SHC3: variants seen among roughly 807,000 people sequenced by gnomAD.
SHC3 encodes SHC adaptor protein 3.
In SHC3, 15 loss-of-function variants were observed where a neutral mutation model predicts 60.4. The ratio of observed to expected loss-of-function variants is 0.25; its 90% CI spans 0.17 to 0.38. SHC3 has a LOEUF of 0.38. Among genes scored for constraint, SHC3 ranks in the 10% least tolerant of loss-of-function variants. The pLI, the probability that SHC3 is intolerant of heterozygous loss-of-function variation, is 1.00. For missense variants in SHC3, 677 were observed against 786.1 expected, an observed-to-expected ratio of 0.86 and a Z score of 1.66; for synonymous variants, 294 against 325.9, an observed-to-expected ratio of 0.90 and a Z score of 1.05.
intron 1 of SHC3, among the ~76,000 whole-genome samples, chr9:89,133,212 TA>T (rs904075815): frequency 1.3e-5 from 2 of 152,184 alleles, no homozygotes; most frequent in Non-Finnish European, 2.9e-5. Flanking sequence ...CGCAATGAGA[TA>T]ACATCTCACA....
chr9:89,075,557 G>A (rs17054717), intron 3 of SHC3, among the ~76,000 whole-genome samples: 4,478 of 152,216 alleles, frequency 0.029, 233 homozygotes, highest in African/African-American at 0.1. Flanking sequence ...TGTAAACCTG[G>A]GGAAAGCCCA....
At chr9:89,042,390 G>A (rs993800526) in intron 9 of SHC3, among the ~76,000 whole-genome samples, 2 of 152,166 alleles carry the variant, frequency 1.3e-5, no homozygotes, top group Admixed American at 6.5e-5. Flanking sequence ...TCAGCATGGG[G>A]TCTGCCAGCC....
chr9:89,156,191 C>T (rs1332509739), intron 1 of SHC3, among the ~76,000 whole-genome samples: 2 of 152,092 alleles, frequency 1.3e-5, no homozygotes, highest in African/African-American at 4.8e-5. Context: ...GTCATATGGA[C>T]ACTCAAGAAT....
At chr9:89,094,931 C>A (rs1248010680) in intron 2 of SHC3, among the ~76,000 whole-genome samples, 3 of 151,536 alleles carry the variant, frequency 2.0e-5, no homozygotes, top group African/African-American at 7.3e-5. Flanking sequence ...TCACTAACAA[C>A]AACAACAAAA....
chr9:89,098,854 C>T (rs1389207882), intron 2 of SHC3, among the ~76,000 whole-genome samples: 3 of 151,944 alleles, frequency 2.0e-5, no homozygotes, highest in Non-Finnish European at 4.4e-5. Flanking sequence ...CACCTGTAAT[C>T]TCAGCTACTC....
intron 3 of SHC3, among the ~76,000 whole-genome samples, chr9:89,076,879 T>TA (rs1259134640): frequency 1.3e-5 from 2 of 152,116 alleles, no homozygotes; most frequent in Non-Finnish European, 2.9e-5. Context: ...AAATTACCTT[T>TA]AAAAAAACAG....
intron 2 of SHC3, among the ~76,000 whole-genome samples, chr9:89,078,282 G>A (rs926162077): frequency 2.6e-5 from 4 of 152,040 alleles, no homozygotes; most frequent in Non-Finnish European, 5.9e-5. Context: ...GCTTTGGTCA[G>A]GACATCAGGC....
chr9:89,090,328 C>T (rs948066980), intron 2 of SHC3, among the ~76,000 whole-genome samples: 2 of 152,174 alleles, frequency 1.3e-5, no homozygotes, highest in African/African-American at 4.8e-5. Context: ...GATTATCCAG[C>T]CAAAGATCAT....
chr9:89,137,876 T>C (rs540818502), intron 1 of SHC3, among the ~76,000 whole-genome samples: 22 of 152,244 alleles, frequency 1.4e-4, no homozygotes, highest in Middle Eastern at 3.4e-3. Context: ...CTTCAATCCA[T>C]AAGAAAAGAA....
intron 2 of SHC3, among the ~76,000 whole-genome samples, chr9:89,091,635 A>T (rs950781179): frequency 1.3e-5 from 2 of 152,236 alleles, no homozygotes; most frequent in African/African-American, 2.4e-5. Context: ...ACCATTTTTA[A>T]GTGTGCAGTT....
At chr9:89,154,008 A>T (rs1207142515) in intron 1 of SHC3, among the ~76,000 whole-genome samples, 1 of 152,074 alleles carries the variant, frequency 6.6e-6, no homozygotes, top group Non-Finnish European at 1.5e-5. Context: ...AAAGAACTTG[A>T]GGTGCAGGTG....
chr9:89,173,443 G>A (rs557875969), intron 1 of SHC3, among the ~76,000 whole-genome samples: 7 of 152,358 alleles, frequency 4.6e-5, no homozygotes, highest in Middle Eastern at 3.4e-3. Context: ...GTAAGACACC[G>A]TGCGGAGGCA....
chr9:89,079,931 C>T (rs947967432), intron 2 of SHC3, among the ~76,000 whole-genome samples: 1 of 152,188 alleles, frequency 6.6e-6, no homozygotes. Context: ...GGCATAAATT[C>T]CTTCCTAATG....
chr9:89,050,903 C>CTTT lies in SHC3; in HGVS notation c.962+1131_962+1133dup, dbSNP rs5899064. The stretch of plus-strand genomic sequence containing the variant: ...CCAGCTTGCTGAAGTTTCTTTCGTT[C>CTTT]TTTTTTTTTTTTTAATATGATGGCC... On this transcript the variant is annotated intron_variant, in intron 7 of 11. Transcript: ENST00000375835. 2.8e-4 allele frequency among the ~76,000 whole-genome samples: 40 copies of CTTT among 144,558 alleles called. 1 individual carries two copies. Among genetic ancestry groups the CTTT allele is most frequent in the South Asian group, 2.2e-4 (1 of 4,486 alleles). The allele number at this position is 144,558 out of a possible 152,430, so 94.8% of individuals were successfully genotyped here. A position where few individuals can be genotyped will look rare whatever the true frequency, so the allele number is the denominator to read the frequency against.
intron 2 of SHC3, among the ~76,000 whole-genome samples, chr9:89,107,299 T>C (rs1193409685): frequency 2.0e-5 from 3 of 152,236 alleles, no homozygotes; most frequent in Non-Finnish European, 4.4e-5. Flanking sequence ...GCAGTAAGTA[T>C]GTGGCCCCTT....
At chr9:89,155,274 G>A (rs1050417941) in intron 1 of SHC3, among the ~76,000 whole-genome samples, 2 of 152,128 alleles carry the variant, frequency 1.3e-5, no homozygotes, top group African/African-American at 4.8e-5. Flanking sequence ...CTGAATGCTT[G>A]GCTTGCATTC....
chr9:89,062,369 C>A (rs1397073085), intron 6 of SHC3, among the ~76,000 whole-genome samples: 1 of 152,180 alleles, frequency 6.6e-6, no homozygotes, highest in Non-Finnish European at 1.5e-5. Flanking sequence ...CATTTTCCAC[C>A]CTTATCTCTT....
intron 2 of SHC3, among the ~76,000 whole-genome samples, chr9:89,097,275 A>G (rs1362016642): frequency 6.6e-6 from 1 of 152,232 alleles, no homozygotes; most frequent in African/African-American, 2.4e-5. Context: ...ATTTAATTTA[A>G]TTTTCAGTGC....
At position 89,028,639 on chromosome 9, in the gene SHC3, ATATC is replaced by A. The variant is rs1015648439; in HGVS notation, c.1656+9350_1656+9353del. Among the ~76,000 whole-genome samples the A allele has an allele frequency of 3.1e-4, 46 of 146,882 alleles. No homozygotes were observed. The Middle Eastern group carries it at 0.012, about 37-fold the overall frequency. ...AGATATAGATTATCTCTCTATATAGATATCTATATAGAATATATATAGATATAGC... is the reference window on the plus strand; with the variant it reads ...AGATATAGATTATCTCTCTATATAGATATATAGAATATATATAGATATAGC... On this transcript the variant is annotated intron_variant, in intron 11 of 11. Coordinates refer to ENST00000375835, the MANE Select transcript of SHC3 (RefSeq NM_016848.6).
Sources: gnomAD v4.1 joint callset for allele counts (sites outside exome capture counted in the v4.1 genomes callset) on GRCh38, gnomAD v4.1.1 for gene constraint, MANE v1.5 for transcripts, NCBI Gene and HGNC (gene_info 2026-07-23, HGNC 2026-07-21) for gene names.